ACTL8: variants seen among roughly 807,000 people sequenced by gnomAD.
ACTL8 encodes actin like 8.
ACTL8 carries 3 observed loss-of-function variants against 9.3 expected under a neutral mutation model. The observed-to-expected ratio is 0.32, with a 90% confidence interval of 0.15 to 0.83. The LOEUF (loss-of-function observed/expected upper bound fraction) is 0.83, where lower values mean the gene tolerates loss of function less well. Ranked by LOEUF, ACTL8 falls within the 40% of genes least tolerant of loss-of-function variation. The pLI is 0.57. For missense variants in ACTL8, 381 were observed against 492.2 expected, an observed-to-expected ratio of 0.77 and a Z score of 2.14; for synonymous variants, 224 against 205.9, an observed-to-expected ratio of 1.09 and a Z score of -0.75.
At chr1:17,760,336 G>A (rs1444758322) in intron 1 of ACTL8, among the ~76,000 whole-genome samples, 1 of 152,150 alleles carries the variant, frequency 6.6e-6, no homozygotes, top group Non-Finnish European at 1.5e-5. Flanking sequence ...CCAGATGAGG[G>A]TGGCAGCTCA....
chr1:17,792,030 A>G (rs2066243793), intron 1 of ACTL8, among the ~76,000 whole-genome samples: 1 of 152,072 alleles, frequency 6.6e-6, no homozygotes, highest in South Asian at 2.1e-4. Flanking sequence ...AACCCTTATC[A>G]TTGGGGCTGG....
chr1:17,788,933 C>A (rs1211477745), intron 1 of ACTL8, among the ~76,000 whole-genome samples: 1 of 152,242 alleles, frequency 6.6e-6, no homozygotes, highest in African/African-American at 2.4e-5. Flanking sequence ...TCTCTCCTGG[C>A]TGCTCTTGAT....
At chr1:17,770,214 C>A (rs1024158724) in intron 1 of ACTL8, among the ~76,000 whole-genome samples, 1 of 152,190 alleles carries the variant, frequency 6.6e-6, no homozygotes, top group Admixed American at 6.5e-5. Flanking sequence ...ATCTTTAATC[C>A]TTCCTGCTGC....
intron 1 of ACTL8, among the ~76,000 whole-genome samples, chr1:17,798,815 C>A (rs1190011364): frequency 6.6e-6 from 1 of 152,168 alleles, no homozygotes; most frequent in African/African-American, 2.4e-5. Context: ...TGGGAAGCCA[C>A]GTGTGTGTTG....
At chr1:17,813,753 A>G (rs1363821178) in intron 1 of ACTL8, among the ~76,000 whole-genome samples, 1 of 152,186 alleles carries the variant, frequency 6.6e-6, no homozygotes, top group African/African-American at 2.4e-5. Context: ...GACCTAGAGT[A>G]TTCTTTGTTG....
chr1:17,772,338 A>T (rs1214433013), intron 1 of ACTL8, among the ~76,000 whole-genome samples: 1 of 152,086 alleles, frequency 6.6e-6, no homozygotes, highest in Non-Finnish European at 1.5e-5. Context: ...TGTAAGGCTC[A>T]CCTCACCCCA....
At chr1:17,825,732 G>A (rs1245079110) in intron 2 of ACTL8, 35 bp from the exon 3 acceptor site, 1 of 1,591,354 alleles carries the variant, frequency 6.3e-7, no homozygotes, top group South Asian at 1.1e-5. Context: ...GCAGGCTGGG[G>A]GGAAATGCAC....
At chr1:17,802,965 A>G (rs1393065888) in intron 1 of ACTL8, among the ~76,000 whole-genome samples, 2 of 152,190 alleles carry the variant, frequency 1.3e-5, no homozygotes, top group Admixed American at 1.3e-4. Context: ...AGCCTGGGTG[A>G]TAGAGTGAGA....
At chr1:17,822,026 G>C (rs1047625945) in intron 1 of ACTL8, among the ~76,000 whole-genome samples, 2 of 152,118 alleles carry the variant, frequency 1.3e-5, no homozygotes, top group Non-Finnish European at 1.5e-5. Flanking sequence ...TTTTCAGCAG[G>C]GGGGCTGCTG....
At chr1:17,772,366 C>CCAG (rs1437885918) in intron 1 of ACTL8, among the ~76,000 whole-genome samples, 1 of 152,078 alleles carries the variant, frequency 6.6e-6, no homozygotes, top group African/African-American at 2.4e-5. Flanking sequence ...GGCTGTTACT[C>CCAG]GGCACTTCAG....
At chr1:17,759,566 G>T (rs1394126044) in intron 1 of ACTL8, among the ~76,000 whole-genome samples, 1 of 152,220 alleles carries the variant, frequency 6.6e-6, no homozygotes, top group Non-Finnish European at 1.5e-5. Flanking sequence ...AATGTAGTGA[G>T]GCACAGCCAT....
At chr1:17,818,562 G>T (rs1307490702) in intron 1 of ACTL8, among the ~76,000 whole-genome samples, 1 of 152,198 alleles carries the variant, frequency 6.6e-6, no homozygotes, top group Admixed American at 6.5e-5. Flanking sequence ...GCTGATCCTA[G>T]AACTCATCTG....
chr1:17,804,818 G>A (rs1323812783), intron 1 of ACTL8, among the ~76,000 whole-genome samples: 2 of 151,988 alleles, frequency 1.3e-5, no homozygotes, highest in Admixed American at 6.6e-5. Context: ...GTTTCACCAT[G>A]TTGGCCAGGC....
chr1:17,805,247 A>G (rs2066350888), intron 1 of ACTL8, among the ~76,000 whole-genome samples: 1 of 151,968 alleles, frequency 6.6e-6, no homozygotes, highest in Non-Finnish European at 1.5e-5. Flanking sequence ...GTCTTGGCCA[A>G]CTGGGACCCT....
chr1:17,783,880 TG>T (rs2066175585), intron 1 of ACTL8, among the ~76,000 whole-genome samples: 1 of 152,236 alleles, frequency 6.6e-6, no homozygotes, highest in South Asian at 2.1e-4. Flanking sequence ...GTTAGTAGCT[TG>T]GAGCTTAAGA....
At chr1:17,774,748 G>A (rs992992437) in intron 1 of ACTL8, among the ~76,000 whole-genome samples, 2 of 152,140 alleles carry the variant, frequency 1.3e-5, no homozygotes, top group Non-Finnish European at 1.5e-5. Context: ...GCAGCTTGTC[G>A]GGCCAGGCTC....
At chr1:17,774,537 T>G (rs1374922238) in intron 1 of ACTL8, among the ~76,000 whole-genome samples, 1 of 151,264 alleles carries the variant, frequency 6.6e-6, no homozygotes, top group Non-Finnish European at 1.5e-5. Flanking sequence ...GCCATCTGAG[T>G]AGAGAAATCC....
At chr1:17,820,767 G>C (rs1275228572) in intron 1 of ACTL8, among the ~76,000 whole-genome samples, 1 of 152,072 alleles carries the variant, frequency 6.6e-6, no homozygotes, top group Non-Finnish European at 1.5e-5. Flanking sequence ...AGTAGAGACA[G>C]GGTTTCTCCA....
At chr1:17,779,385 G>A (rs928714090) in intron 1 of ACTL8, among the ~76,000 whole-genome samples, 1 of 152,166 alleles carries the variant, frequency 6.6e-6, no homozygotes, top group Non-Finnish European at 1.5e-5. Context: ...CACCCTGTCC[G>A]GGTTTGATTG....
Sources: allele counts gnomAD v4.1 joint callset (sites outside exome capture counted in the v4.1 genomes callset), GRCh38; gene constraint gnomAD v4.1.1; transcripts MANE v1.5; gene names NCBI Gene and HGNC (gene_info 2026-07-23, HGNC 2026-07-21).